UGT1A4: variants seen among roughly 807,000 people sequenced by gnomAD.
UGT1A4 encodes the protein UDP glucuronosyltransferase family 1 member A4, also known as UDP-glucuronosyltransferase 1A4.
Under a neutral mutation model 41.1 loss-of-function variants are expected in UGT1A4, and 32 were observed. The observed-to-expected ratio is 0.78, with a 90% confidence interval of 0.59 to 1.05. The LOEUF is 1.05. UGT1A4 is among the 50% of genes least tolerant of loss of function. UGT1A4 has a pLI of 0.00. For missense variants in UGT1A4, 748 were observed against 677.4 expected (o/e 1.10, Z -1.16); for synonymous variants, 283 against 265.1 (o/e 1.07, Z -0.66).
intron 1 of UGT1A4, among the ~76,000 whole-genome samples, chr2:233,730,329 G>A (rs1170762971): frequency 1.3e-5 from 2 of 152,172 alleles, no homozygotes; most frequent in Non-Finnish European, 2.9e-5. Context: ...GGGACACTAC[G>A]TTTGGAACTG....
At chr2:233,734,582 T>C (rs1259652945) in intron 1 of UGT1A4, among the ~76,000 whole-genome samples, 1 of 152,210 alleles carries the variant, frequency 6.6e-6, no homozygotes, top group African/African-American at 2.4e-5. Context: ...CTCTTGCTTA[T>C]CTAGTTCTTT....
Position 233,772,666 on chromosome 2 carries a change from T to G in UGT1A4, c.*107T>G. 6.5e-7 allele frequency: 1 copy of G among 1,538,162 alleles called. No individual in the cohort carries two copies. Among genetic ancestry groups the G allele is most frequent in the South Asian group, 1.2e-5 (1 of 82,746 alleles). Reference sequence around the variant, plus strand: ...ATTTTATTCTTATTAAGGAAATACTTTGCATAAATTAATCAGCCCCAGAGT... The same window carrying G: ...ATTTTATTCTTATTAAGGAAATACTGTGCATAAATTAATCAGCCCCAGAGT... On this transcript the variant is annotated 3_prime_UTR_variant, in exon 5 of 5. Coordinates refer to ENST00000373409, the MANE Select transcript of UGT1A4 (RefSeq NM_007120.3).
chr2:233,719,429 C>T lies in UGT1A4; in HGVS notation c.609C>T (p.Asp203=), dbSNP rs2076765385. The change falls in exon 1 of 5, where the codon GAC becomes GAT. Residue 203 remains aspartate, a synonymous_variant. Transcript: ENST00000373409. ...CTAAGTTACTAACGACCAATTCAGACCACATGACATTCCTGCAAAGGGTCA... is the reference window on the plus strand; with the variant it reads ...CTAAGTTACTAACGACCAATTCAGATCACATGACATTCCTGCAAAGGGTCA... ...YIPKLLTTNS[D]HMTFLQRVKN... The T allele has an allele frequency of 6.2e-7, 1 of 1,613,996 alleles. No homozygotes were observed. Among genetic ancestry groups the T allele is most frequent in the Non-Finnish European group, 8.5e-7 (1 of 1,179,878 alleles).
At chr2:233,729,659 G>A in intron 1 of UGT1A4, 1 of 1,613,886 alleles carries the variant, frequency 6.2e-7, no homozygotes, top group Non-Finnish European at 8.5e-7. Context: ...AACATTCCAT[G>A]TGATTTAGAC....
intron 1 of UGT1A4, among the ~76,000 whole-genome samples, chr2:233,719,941 G>A (rs958273731): frequency 6.6e-6 from 1 of 152,192 alleles, no homozygotes; most frequent in African/African-American, 2.4e-5. Flanking sequence ...TGTTTGTAAA[G>A]GCACCATCTT....
chr2:233,734,415 TTTC>T (rs2078522932), intron 1 of UGT1A4, among the ~76,000 whole-genome samples: 1 of 152,160 alleles, frequency 6.6e-6, no homozygotes, highest in African/African-American at 2.4e-5. Context: ...TCTTCTCTCT[TTTC>T]TTCTTTATTA....
In UGT1A4 at chr2:233,718,795, G is replaced by T. The variant is rs1190381622; in HGVS notation, c.-26G>T. The T allele has an allele frequency of 1.2e-6, 2 of 1,613,210 alleles. No individual in the cohort carries two copies. Among genetic ancestry groups the T allele is most frequent in the South Asian group, 2.2e-5 (2 of 91,022 alleles). ...TAGCAGGCACAGCGTGGGGTGGACA[G>T]TCAGCTGTCGGTGGCTTCTGCTGAG... On this transcript the variant is annotated 5_prime_UTR_variant, in exon 1 of 5. Transcript: ENST00000373409.
intron 4 of UGT1A4, chr2:233,771,715 T>C (rs1700358256): frequency 6.5e-6 from 1 of 152,904 alleles, no homozygotes; most frequent in African/African-American, 2.4e-5. Flanking sequence ...AAGGTTAAAA[T>C]ATTTCTAAAA....
At chr2:233,728,759 G>C (rs2077748525) in intron 1 of UGT1A4, among the ~76,000 whole-genome samples, 1 of 152,198 alleles carries the variant, frequency 6.6e-6, no homozygotes, top group Admixed American at 6.5e-5. Flanking sequence ...TGACTCCTCA[G>C]ACCTCAGCTG....
In UGT1A4 at chr2:233,768,328, T is replaced by C. The variant is rs755527328; in HGVS notation, c.1196T>C (p.Met399Thr). The C allele has an allele frequency of 1.9e-6, 3 of 1,614,176 alleles. No homozygotes were observed. The highest frequency in any genetic ancestry group is 2.5e-6 in the Non-Finnish European group (3 of 1,180,040). ...ATGATGCCCTTGTTTGGTGATCAGATGGACAATGCAAAGCGCATGGAGACT... is the reference window on the plus strand; with the variant it reads ...ATGATGCCCTTGTTTGGTGATCAGACGGACAATGCAAAGCGCATGGAGACT... ...MVMMPLFGDQMDNAKRMETKG... is the reference protein window; with the variant it reads ...MVMMPLFGDQTDNAKRMETKG... The change falls in exon 4 of 5, where the codon ATG becomes ACG. Residue 399 changes from methionine (M) to threonine (T), a missense_variant. By Grantham distance (81) the Met-to-Thr change is moderately conservative. Transcript: ENST00000373409.
At chr2:233,720,517 A>G (rs556440432) in intron 1 of UGT1A4, among the ~76,000 whole-genome samples, 3 of 152,226 alleles carry the variant, frequency 2.0e-5, no homozygotes, top group East Asian at 1.9e-4. Context: ...GAAGCTGATC[A>G]TATCACCAAA....
At chr2:233,734,048 T>C (rs547388406) in intron 1 of UGT1A4, among the ~76,000 whole-genome samples, 1 of 152,234 alleles carries the variant, frequency 6.6e-6, no homozygotes, top group East Asian at 1.9e-4. Flanking sequence ...ATGGCACATG[T>C]ATACATATGT....
chr2:233,743,398 G>A, intron 1 of UGT1A4: 3 of 1,279,318 alleles, frequency 2.3e-6, no homozygotes. Context: ...GCAGAAGGAA[G>A]AAAGGCCCCC....
At chr2:233,730,791 G>A (rs530253240) in intron 1 of UGT1A4, among the ~76,000 whole-genome samples, 3 of 152,260 alleles carry the variant, frequency 2.0e-5, no homozygotes, top group African/African-American at 7.2e-5. Context: ...TGGGGACAGT[G>A]ATGAATGGAC....
intron 1 of UGT1A4, among the ~76,000 whole-genome samples, chr2:233,740,427 G>A (rs1010864100): frequency 1.4e-4 from 22 of 151,978 alleles, no homozygotes; most frequent in Admixed American, 1.4e-3. Flanking sequence ...CCTGTTTGGA[G>A]ACAGAAAGTG....
Position 233,718,914 on chromosome 2 carries a change from T to A in UGT1A4, c.94T>A (p.Leu32Met). The change falls in exon 1 of 5, where the codon TTG (leucine) becomes ATG (methionine). Residue 32 changes from leucine (L) to methionine (M), a missense_variant. Coordinates refer to ENST00000373409, the MANE Select transcript of UGT1A4 (RefSeq NM_007120.3). Reference sequence around the variant, plus strand: ...GCCCTGGGCTGAGAGTGGAAAGGTGTTGGTGGTGCCCACTGATGGCAGCCC... The same window carrying A: ...GCCCTGGGCTGAGAGTGGAAAGGTGATGGTGGTGCCCACTGATGGCAGCCC... ...VQPWAESGKVLVVPTDGSPWL... is the reference protein window; with the variant it reads ...VQPWAESGKVMVVPTDGSPWL... 1 of 1,614,066 alleles carries A rather than the reference T, an allele frequency of 6.2e-7. No individual in the cohort carries two copies. The highest frequency in any genetic ancestry group is 8.5e-7 in the Non-Finnish European group (1 of 1,179,934).
At chr2:233,750,259 G>A (rs1161591814) in intron 1 of UGT1A4, among the ~76,000 whole-genome samples, 1 of 151,924 alleles carries the variant, frequency 6.6e-6, no homozygotes, top group Non-Finnish European at 1.5e-5. Flanking sequence ...GGTCACCCTT[G>A]CTATGCTTTA....
intron 1 of UGT1A4, among the ~76,000 whole-genome samples, chr2:233,721,048 T>A (rs1417218537): frequency 6.6e-6 from 1 of 152,110 alleles, no homozygotes. Flanking sequence ...TGAGCCCTTT[T>A]TTGTCATATT....
intron 1 of UGT1A4, among the ~76,000 whole-genome samples, chr2:233,757,174 C>T (rs1696427708): frequency 6.6e-6 from 1 of 151,088 alleles, no homozygotes; most frequent in Non-Finnish European, 1.5e-5. Context: ...GTTTTGAGAG[C>T]AAGGCAGAGG....
Sources: gnomAD v4.1 joint callset for allele counts (sites outside exome capture counted in the v4.1 genomes callset) on GRCh38, gnomAD v4.1.1 for gene constraint, MANE v1.5 for transcripts, NCBI Gene and HGNC (gene_info 2026-07-23, HGNC 2026-07-21) for gene names.